Variants in COL25A1 observed in about 807,000 individuals in gnomAD.
COL25A1 encodes collagen alpha-1(XXV) chain.
COL25A1 carries 103 observed loss-of-function variants against 128.4 expected under a neutral mutation model. The ratio of observed to expected loss-of-function variants is 0.80; its 90% CI spans 0.68 to 0.94. COL25A1 has a LOEUF of 0.94. COL25A1 is among the 40% of genes least tolerant of loss of function. The probability of loss-of-function intolerance (pLI) is 0.00; values close to 1 mark genes in which losing one functional copy is unlikely to be tolerated. For synonymous variants in COL25A1, 279 were observed against 277.2 expected, an observed-to-expected ratio of 1.01 and a Z score of -0.06; for missense variants, 745 against 840.0, an observed-to-expected ratio of 0.89 and a Z score of 1.40.
intron 5 of COL25A1, among the ~76,000 whole-genome samples, chr4:109,041,436 T>C (rs1759885102): frequency 1.3e-5 from 2 of 152,124 alleles, no homozygotes; most frequent in Non-Finnish European, 2.9e-5. Context: ...ATAGTTTTAA[T>C]GACTGTTCTT....
At position 108,935,717 on chromosome 4, in the gene COL25A1, G is replaced by A. The variant is rs377133831; in HGVS notation, c.708+2091C>T. On this transcript the variant is annotated intron_variant, in intron 11 of 37. Coordinates refer to ENST00000399132, the MANE Select transcript of COL25A1 (RefSeq NM_198721.4). ...TAAGATAATAATGCAAGTGATTTAG[G>A]ATCAGGTCAAACATTTGTATTTAAC... Among the ~76,000 whole-genome samples, 4 of 152,192 alleles carry A rather than the reference G, an allele frequency of 2.6e-5. No homozygotes were observed. The East Asian group carries it at 7.7e-4, about 29-fold the overall frequency.
intron 6 of COL25A1, among the ~76,000 whole-genome samples, chr4:109,006,602 G>A (rs1756032022): frequency 6.6e-6 from 1 of 151,904 alleles, no homozygotes; most frequent in Middle Eastern, 3.4e-3. Context: ...ATAGATCTAT[G>A]TTAAACAGAT....
At chr4:109,123,802 C>T (rs994013826) in intron 3 of COL25A1, among the ~76,000 whole-genome samples, 2 of 152,060 alleles carry the variant, frequency 1.3e-5, no homozygotes, top group Admixed American at 6.6e-5. Flanking sequence ...CTCGGTTCTA[C>T]AGCCATCACG....
chr4:109,040,455 A>C (rs1352181146), intron 5 of COL25A1, among the ~76,000 whole-genome samples: 2 of 152,214 alleles, frequency 1.3e-5, no homozygotes, highest in East Asian at 3.8e-4. Context: ...TAATCATTCA[A>C]ATCGCTCATT....
At chr4:108,831,711 A>AGC in intron 32 of COL25A1, among the ~76,000 whole-genome samples, 1 of 151,660 alleles carries the variant, frequency 6.6e-6, no homozygotes, top group Non-Finnish European at 1.5e-5. Context: ...AGAGAGAGAG[A>AGC]GAGAGCGCAT....
At chr4:109,254,065 C>T (rs1322979026) in intron 3 of COL25A1, among the ~76,000 whole-genome samples, 5 of 145,682 alleles carry the variant, frequency 3.4e-5, no homozygotes, top group East Asian at 2.0e-4. Flanking sequence ...CCAGCCTGGG[C>T]GACAGTGCGA....
At chr4:109,042,354 A>G (rs1038948816) in intron 5 of COL25A1, among the ~76,000 whole-genome samples, 2 of 152,114 alleles carry the variant, frequency 1.3e-5, no homozygotes, top group African/African-American at 4.8e-5. Flanking sequence ...GTCCTAGAAG[A>G]CAAATCAGCG....
intron 3 of COL25A1, among the ~76,000 whole-genome samples, chr4:109,163,322 C>T (rs77608837): frequency 6.6e-6 from 1 of 152,310 alleles, no homozygotes; most frequent in East Asian, 1.9e-4. Flanking sequence ...AAGTGGGTGG[C>T]ACAGGCTTTA....
intron 3 of COL25A1, among the ~76,000 whole-genome samples, chr4:109,267,215 G>A (rs1052536510): frequency 2.6e-5 from 4 of 152,204 alleles, no homozygotes; most frequent in African/African-American, 9.6e-5. Flanking sequence ...TATGGTATCA[G>A]AAACTCTCAT....
chr4:109,216,093 T>C (rs1356653695), intron 3 of COL25A1, among the ~76,000 whole-genome samples: 1 of 152,090 alleles, frequency 6.6e-6, no homozygotes, highest in Non-Finnish European at 1.5e-5. Flanking sequence ...TTGTAAAAAT[T>C]ATTCTCAAAG....
chr4:109,139,717 C>T (rs1288871372), intron 3 of COL25A1, among the ~76,000 whole-genome samples: 1 of 151,978 alleles, frequency 6.6e-6, no homozygotes, highest in Non-Finnish European at 1.5e-5. Flanking sequence ...TACATGTGCA[C>T]AATGTGTAGG....
At chr4:109,247,354 GA>G (rs1780339780) in intron 3 of COL25A1, among the ~76,000 whole-genome samples, 1 of 152,120 alleles carries the variant, frequency 6.6e-6, no homozygotes. Flanking sequence ...AAAAAAAAAG[GA>G]AAGGAGGGAG....
intron 3 of COL25A1, among the ~76,000 whole-genome samples, chr4:109,169,813 T>C (rs1188459363): frequency 6.6e-6 from 1 of 152,206 alleles, no homozygotes; most frequent in African/African-American, 2.4e-5. Flanking sequence ...AATGAAAATA[T>C]TTAAAATTTT....
chr4:109,067,071 A>T (rs1302193504), intron 3 of COL25A1, among the ~76,000 whole-genome samples: 2 of 152,196 alleles, frequency 1.3e-5, no homozygotes, highest in African/African-American at 4.8e-5. Flanking sequence ...AAGGATTTTC[A>T]TATAGACACA....
chr4:108,976,043 A>G (rs1321933026), intron 6 of COL25A1, among the ~76,000 whole-genome samples: 1 of 152,104 alleles, frequency 6.6e-6, no homozygotes, highest in Admixed American at 6.6e-5. Flanking sequence ...AACACCTCTG[A>G]GTTCTTAATT....
intron 3 of COL25A1, among the ~76,000 whole-genome samples, chr4:109,245,087 G>C (rs1780173194): frequency 2.6e-5 from 4 of 152,068 alleles, no homozygotes; most frequent in Non-Finnish European, 5.9e-5. Flanking sequence ...AACTTAGGAA[G>C]GGTTTAAGTG....
intron 12 of COL25A1, 89 bp from the exon 13 acceptor site, chr4:108,918,305 C>A (rs185129648): frequency 1.0e-3 from 922 of 892,582 alleles, no homozygotes; most frequent in Non-Finnish European, 1.4e-3. Context: ...GTAAGCCTTG[C>A]TAAAACATTT....
chr4:109,001,371 A>AGAGG (rs1755344963), intron 6 of COL25A1, among the ~76,000 whole-genome samples: 1 of 9,472 alleles, frequency 1.1e-4, no homozygotes, highest in Non-Finnish European at 6.4e-4. Flanking sequence ...GTTAAAAGAA[A>AGAGG]CAGGCATCTG....
chr4:108,932,204 A>C (rs1746837559), intron 11 of COL25A1, among the ~76,000 whole-genome samples: 1 of 152,188 alleles, frequency 6.6e-6, no homozygotes, highest in South Asian at 2.1e-4. Context: ...AATCCATGGG[A>C]TAGCAATGCA....
Sources: allele counts gnomAD v4.1 joint callset (sites outside exome capture counted in the v4.1 genomes callset), GRCh38; gene constraint gnomAD v4.1.1; transcripts MANE v1.5; gene names NCBI Gene and HGNC (gene_info 2026-07-23, HGNC 2026-07-21).